The following EPB41L4A variants were observed in gnomAD, a reference collection of about 807,000 sequenced individuals.
EPB41L4A encodes the protein erythrocyte membrane protein band 4.1 like 4A.
A neutral mutation model predicts 108.6 loss-of-function variants in EPB41L4A; 100 were observed. The ratio of observed to expected loss-of-function variants is 0.92; its 90% CI spans 0.78 to 1.09. EPB41L4A has a LOEUF of 1.09. EPB41L4A is among the 50% of genes least tolerant of loss of function. The pLI, the probability that EPB41L4A is intolerant of heterozygous loss-of-function variation, is 0.00. For missense variants in EPB41L4A, 1,030 were observed against 842.7 expected, an observed-to-expected ratio of 1.22 and a Z score of -2.75; for synonymous variants, 319 against 289.0, an observed-to-expected ratio of 1.10 and a Z score of -1.05.
rs769932010 is a variant in EPB41L4A, at chr5:112,259,964, C to A, written c.658G>T (p.Glu220Ter). The A allele has an allele frequency of 1.9e-6, 3 of 1,613,794 alleles. No individual in the cohort carries two copies. The African/African-American group carries it at 4.0e-5, about 22-fold the overall frequency. Reference sequence around the variant, plus strand: ...ACCGGAGTTAATCCTAAGAAATACTCAGACTTGTTTTCTCCCTGCAAAAAC... The same window carrying A: ...ACCGGAGTTAATCCTAAGAAATACTAAGACTTGTTTTCTCCCTGCAAAAAC... ...LHPVYGENKS[E>*]YFLGLTPVGV... Residue 220 changes from glutamate (E) to a stop codon, truncating the protein, a stop_gained, in exon 8 of 23, where the codon GAG (glutamate) becomes TAG (stop). Coordinates refer to ENST00000261486, the MANE Select transcript of EPB41L4A (RefSeq NM_022140.5). LOFTEE classifies it high-confidence loss of function.
intron 1 of EPB41L4A, among the ~76,000 whole-genome samples, chr5:112,342,466 C>A (rs992401102): frequency 6.6e-6 from 1 of 152,198 alleles, no homozygotes; most frequent in Non-Finnish European, 1.5e-5. Context: ...GTGCTGGTGG[C>A]AGATTTTACA....
chr5:112,401,688 G>C (rs566106782), intron 1 of EPB41L4A, among the ~76,000 whole-genome samples: 1 of 151,996 alleles, frequency 6.6e-6, no homozygotes, highest in Non-Finnish European at 1.5e-5. Context: ...AACAGAAATC[G>C]AACACAATGT....
At chr5:112,339,529 T>TCTATATATAG (rs1561585573) in intron 1 of EPB41L4A, among the ~76,000 whole-genome samples, 2 of 62,642 alleles carry the variant, frequency 3.2e-5, no homozygotes, top group Non-Finnish European at 5.9e-5. Context: ...GATATATATC[T>TCTATATATAG]ATATATATAT....
At chr5:112,147,405 C>G (rs577693019) in intron 12 of EPB41L4A, among the ~76,000 whole-genome samples, 13 of 151,684 alleles carry the variant, frequency 8.6e-5, no homozygotes, top group African/African-American at 2.7e-4. Context: ...TTTGGGAGGC[C>G]GAGGCAGGCG....
At chr5:112,417,805 C>A (rs1203299975) in intron 1 of EPB41L4A, among the ~76,000 whole-genome samples, 1 of 152,146 alleles carries the variant, frequency 6.6e-6, no homozygotes, top group Non-Finnish European at 1.5e-5. Context: ...GCTCCTTTCT[C>A]CCGCAAAAGA....
chr5:112,277,470 G>T (rs900613387), intron 3 of EPB41L4A, among the ~76,000 whole-genome samples: 6 of 152,102 alleles, frequency 3.9e-5, no homozygotes, highest in Non-Finnish European at 7.4e-5. Flanking sequence ...CTAAATATAA[G>T]GCATTATTAC....
chr5:112,389,091 G>A (rs1047789623), intron 1 of EPB41L4A, among the ~76,000 whole-genome samples: 1 of 152,084 alleles, frequency 6.6e-6, no homozygotes, highest in Non-Finnish European at 1.5e-5. Flanking sequence ...CTATGGCTTA[G>A]CAGAAGATTC....
chr5:112,144,044 T>C (rs1759161523), intron 13 of EPB41L4A, among the ~76,000 whole-genome samples: 1 of 152,112 alleles, frequency 6.6e-6, no homozygotes, highest in Non-Finnish European at 1.5e-5. Flanking sequence ...AGGCAGAAAA[T>C]AAACTGCCTT....
chr5:112,215,044 C>T (rs945378597), intron 12 of EPB41L4A, among the ~76,000 whole-genome samples: 1 of 152,148 alleles, frequency 6.6e-6, no homozygotes, highest in African/African-American at 2.4e-5. Flanking sequence ...CAGTGCACCA[C>T]CCATGGTAGG....
chr5:112,391,557 G>C (rs953449235), intron 1 of EPB41L4A, among the ~76,000 whole-genome samples: 6 of 152,076 alleles, frequency 3.9e-5, no homozygotes, highest in African/African-American at 1.4e-4. Flanking sequence ...AACGAACAAA[G>C]CCTCCAAGAA....
chr5:112,296,640 G>A (rs1754002542), intron 2 of EPB41L4A, among the ~76,000 whole-genome samples: 1 of 152,010 alleles, frequency 6.6e-6, no homozygotes, highest in South Asian at 2.1e-4. Context: ...TAGGGAACAG[G>A]TTAGGTATTG....
chr5:112,289,925 C>G (rs1322693838), intron 2 of EPB41L4A, among the ~76,000 whole-genome samples: 1 of 152,216 alleles, frequency 6.6e-6, no homozygotes, highest in African/African-American at 2.4e-5. Context: ...TTTATCCAGA[C>G]CTCTTTTATC....
At chr5:112,341,996 A>G (rs1335626517) in intron 1 of EPB41L4A, among the ~76,000 whole-genome samples, 1 of 152,200 alleles carries the variant, frequency 6.6e-6, no homozygotes, top group Non-Finnish European at 1.5e-5. Flanking sequence ...ATTTAAAGTC[A>G]AATAAAACCA....
intron 17 of EPB41L4A, among the ~76,000 whole-genome samples, chr5:112,188,619 T>G (rs1489282491): frequency 6.6e-6 from 1 of 152,150 alleles, no homozygotes; most frequent in East Asian, 1.9e-4. Flanking sequence ...CCTATTAAAG[T>G]AGAAATCAGA....
At chr5:112,370,071 C>T (rs1430546767) in intron 1 of EPB41L4A, among the ~76,000 whole-genome samples, 1 of 151,862 alleles carries the variant, frequency 6.6e-6, no homozygotes, top group African/African-American at 2.4e-5. Flanking sequence ...GTCACCCGGG[C>T]TAAACTGCAG....
At chr5:112,258,735 G>T (rs560162538) in intron 9 of EPB41L4A, among the ~76,000 whole-genome samples, 94 of 152,274 alleles carry the variant, frequency 6.2e-4, no homozygotes, top group African/African-American at 2.2e-3. Flanking sequence ...CAAAGCAAAG[G>T]CCGGCATTTT....
At chr5:112,410,353 G>A (rs946145896) in intron 1 of EPB41L4A, among the ~76,000 whole-genome samples, 1 of 152,200 alleles carries the variant, frequency 6.6e-6, no homozygotes, top group East Asian at 1.9e-4. Flanking sequence ...TTCTAGGCAG[G>A]AGGCAAGAAA....
chr5:112,418,824 C>G (rs1261743009), intron 1 of EPB41L4A, 117 bp downstream of exon 1: 1 of 715,242 alleles, frequency 1.4e-6, no homozygotes, highest in Non-Finnish European at 2.4e-6. Context: ...GCCTCTCCTC[C>G]CCACCGCGCA....
chr5:112,302,852 G>T (rs1008994708), intron 2 of EPB41L4A, among the ~76,000 whole-genome samples: 3 of 152,158 alleles, frequency 2.0e-5, no homozygotes, highest in Non-Finnish European at 2.9e-5. Flanking sequence ...GTGCTATGGG[G>T]CCCCCTATAG....
Sources: allele counts gnomAD v4.1 joint callset (sites outside exome capture counted in the v4.1 genomes callset), GRCh38; gene constraint gnomAD v4.1.1; transcripts MANE v1.5; gene names NCBI Gene and HGNC (gene_info 2026-07-23, HGNC 2026-07-21).